XPR1: variants seen among roughly 807,000 people sequenced by gnomAD.
XPR1 encodes the protein xenotropic and polytropic retrovirus receptor 1, also known as solute carrier family 53 member 1.
In XPR1, 28 loss-of-function variants were observed where a neutral mutation model predicts 87.5. The observed-to-expected ratio is 0.32, with a 90% CI of 0.24 to 0.44. The LOEUF is 0.44. XPR1 is among the 20% of genes least tolerant of loss of function. The pLI, the probability that XPR1 is intolerant of heterozygous loss-of-function variation, is 1.00. For synonymous variants in XPR1, 300 were observed against 306.1 expected, an observed-to-expected ratio of 0.98 and a Z score of 0.21; for missense variants, 559 against 862.3, an observed-to-expected ratio of 0.65 and a Z score of 4.41.
At chr1:180,669,881 A>G (rs1424914138) in intron 1 of XPR1, among the ~76,000 whole-genome samples, 1 of 152,224 alleles carries the variant, frequency 6.6e-6, no homozygotes, top group Non-Finnish European at 1.5e-5. Flanking sequence ...GATAAAAGTT[A>G]TGTGAATGTG....
At chr1:180,857,844 A>G (rs939155056) in intron 11 of XPR1, among the ~76,000 whole-genome samples, 3 of 152,200 alleles carry the variant, frequency 2.0e-5, no homozygotes, top group Admixed American at 2.0e-4. Context: ...ACAATAAATA[A>G]TGCAGGTTAT....
chr1:180,632,382 G>A, intron 1 of XPR1, 112 bp downstream of exon 1: 1 of 1,392,754 alleles, frequency 7.2e-7, no homozygotes, highest in East Asian at 2.5e-5. Context: ...GGCAGACTTT[G>A]ACCCGCTGCC....
At chr1:180,825,382 A>G (rs746311923) in intron 9 of XPR1, 38 bp downstream of exon 9, 3 of 1,576,616 alleles carry the variant, frequency 1.9e-6, no homozygotes, top group East Asian at 2.2e-5. Context: ...TTAGAGTGGC[A>G]TATTGGTTAT....
intron 1 of XPR1, among the ~76,000 whole-genome samples, chr1:180,660,723 T>G (rs1655740505): frequency 6.7e-6 from 1 of 148,324 alleles, no homozygotes. Context: ...TTGATATTAT[T>G]TCAGTTTTTT....
At chr1:180,827,267 G>C (rs1192763108) in intron 9 of XPR1, among the ~76,000 whole-genome samples, 2 of 151,878 alleles carry the variant, frequency 1.3e-5, no homozygotes, top group Admixed American at 6.6e-5. Flanking sequence ...TGGGATTACA[G>C]GCATGAGCCA....
chr1:180,811,299 T>C, intron 6 of XPR1, 108 bp from the exon 7 acceptor site: 2 of 894,434 alleles, frequency 2.2e-6, no homozygotes, highest in East Asian at 2.7e-5. Flanking sequence ...ACATTAAATA[T>C]TATTTTCATG....
At chr1:180,881,077 T>C (rs1008282146) in intron 14 of XPR1, among the ~76,000 whole-genome samples, 3 of 152,038 alleles carry the variant, frequency 2.0e-5, no homozygotes, top group African/African-American at 4.8e-5. Context: ...ACTAGAATTA[T>C]AGTAAGAATA....
intron 6 of XPR1, among the ~76,000 whole-genome samples, chr1:180,810,167 G>T (rs979542317): frequency 4.6e-5 from 7 of 151,952 alleles, no homozygotes; most frequent in African/African-American, 1.7e-4. Flanking sequence ...TTCAAAAATC[G>T]CTTTCTAAAT....
In XPR1 at chr1:180,765,254, A is replaced by C. The variant is rs571039275; in HGVS notation, c.122-22499A>C. ...ATTTAAACCTGGCTGGTCTGGCTCT[A>C]GTCATTTTTTTATATCCACAGTATA... On this transcript the variant is annotated intron_variant, in intron 2 of 14. Coordinates refer to ENST00000367590, the MANE Select transcript of XPR1 (RefSeq NM_004736.4). Among the ~76,000 whole-genome samples, 5 of 152,276 alleles carry C rather than the reference A, an allele frequency of 3.3e-5. No individual in the cohort carries two copies. The South Asian group carries it at 8.3e-4, about 25-fold the overall frequency.
rs1231887436 is a variant in XPR1 at position 180,883,024 on chromosome 1, G to A, written c.2031-982G>A. ...GTCACCTAGGCTGGAGTGCAGTGGT[G>A]TGATCATACCTTACTGCAGCCTTGA... On this transcript the variant is annotated intron_variant, in intron 14 of 14. Coordinates refer to ENST00000367590, the MANE Select transcript of XPR1 (RefSeq NM_004736.4). 6.0e-5 allele frequency among the ~76,000 whole-genome samples: 9 copies of A among 150,478 alleles called. No individual in the cohort carries two copies. In the East Asian group the frequency reaches 1.2e-3, roughly 20 times the overall value.
intron 1 of XPR1, among the ~76,000 whole-genome samples, chr1:180,669,840 A>C (rs553529797): frequency 2.6e-5 from 4 of 152,152 alleles, no homozygotes; most frequent in Non-Finnish European, 5.9e-5. Flanking sequence ...ATAACTAATA[A>C]TAATATAGAA....
chr1:180,748,293 A>G (rs138450580), intron 2 of XPR1, among the ~76,000 whole-genome samples: 5 of 152,158 alleles, frequency 3.3e-5, no homozygotes, highest in South Asian at 2.1e-4. Flanking sequence ...AACCATTAAT[A>G]AGAATTATAT....
intron 7 of XPR1, among the ~76,000 whole-genome samples, chr1:180,815,244 T>TACA (rs1650365778): frequency 6.6e-6 from 1 of 152,184 alleles, no homozygotes; most frequent in Non-Finnish European, 1.5e-5. Context: ...TGCTACAATT[T>TACA]GAGGGTTTTT....
At chr1:180,685,150 G>A (rs1414670473) in intron 2 of XPR1, among the ~76,000 whole-genome samples, 9 of 151,916 alleles carry the variant, frequency 5.9e-5, no homozygotes, top group African/African-American at 1.2e-4. Flanking sequence ...ATTATTTTGA[G>A]ATACGTCCCA....
chr1:180,759,773 G>C (rs1463584291), intron 2 of XPR1, among the ~76,000 whole-genome samples: 1 of 152,168 alleles, frequency 6.6e-6, no homozygotes, highest in Non-Finnish European at 1.5e-5. Flanking sequence ...TATGAGGCCA[G>C]CATCATCCTG....
intron 10 of XPR1, among the ~76,000 whole-genome samples, chr1:180,835,930 T>C (rs562659679): frequency 3.6e-4 from 55 of 152,292 alleles, no homozygotes; most frequent in Admixed American, 1.1e-3. Flanking sequence ...CATCTTCTAA[T>C]TTTCTTACAG....
chr1:180,812,639 G>A (rs1007794654), intron 7 of XPR1, among the ~76,000 whole-genome samples: 1 of 150,424 alleles, frequency 6.6e-6, no homozygotes, highest in African/African-American at 2.5e-5. Flanking sequence ...TCTTGTCTAA[G>A]CAGCCATTTC....
intron 9 of XPR1, among the ~76,000 whole-genome samples, chr1:180,831,356 CTTTTTCTTTTTTTTT>C (rs1443408277): frequency 2.2e-4 from 11 of 49,520 alleles, no homozygotes; most frequent in African/African-American, 9.6e-4. Context: ...ATTTTCTTTT[CTTTTTCTTTTTTTTT>C]TTTTTTTTTT....
intron 4 of XPR1, among the ~76,000 whole-genome samples, chr1:180,803,900 A>G (rs1649885148): frequency 6.6e-6 from 1 of 152,188 alleles, no homozygotes; most frequent in Non-Finnish European, 1.5e-5. Flanking sequence ...CTGTTTTTAG[A>G]GGCAGCTCTG....
Sources: allele counts gnomAD v4.1 joint callset (sites outside exome capture counted in the v4.1 genomes callset), GRCh38; gene constraint gnomAD v4.1.1; transcripts MANE v1.5; gene names NCBI Gene and HGNC (gene_info 2026-07-23, HGNC 2026-07-21).